Variants in CFAP58 observed in about 807,000 individuals in gnomAD.
CFAP58 encodes cilia- and flagella-associated protein 58.
In CFAP58, 88 loss-of-function variants were observed where a neutral mutation model predicts 119.5. That is an observed-to-expected ratio of 0.74 (90% confidence interval 0.62 to 0.88). CFAP58 has a LOEUF of 0.88. Among genes scored for constraint, CFAP58 ranks in the 40% least tolerant of loss-of-function variants. The probability of loss-of-function intolerance (pLI) is 0.00; values close to 1 mark genes in which losing one functional copy is unlikely to be tolerated. For missense variants in CFAP58, 990 were observed against 1,021.2 expected, an observed-to-expected ratio of 0.97 and a Z score of 0.42; for synonymous variants, 365 against 366.3, an observed-to-expected ratio of 1.00 and a Z score of 0.04.
At chr10:104,365,277 T>C (rs1398705659) in intron 4 of CFAP58, among the ~76,000 whole-genome samples, 2 of 152,140 alleles carry the variant, frequency 1.3e-5, no homozygotes, top group African/African-American at 4.8e-5. Flanking sequence ...CTGAACACTT[T>C]TACATAAAGC....
rs373702113 is a variant in CFAP58, at chr10:104,421,952, G to A, written c.2256+15159G>A. ...TATAATCCTAGCACTTCGGGAGGCC[G>A]AGGTGGGTGGATCACCTGAGGTCAG... On this transcript the variant is annotated intron_variant, in intron 15 of 17. Transcript: ENST00000369704. Among the ~76,000 whole-genome samples the A allele has an allele frequency of 1.6e-4, 25 of 152,302 alleles. 1 individual carries two copies. In the East Asian group the frequency reaches 2.9e-3, roughly 18 times the overall value.
At chr10:104,369,866 A>C (rs902480039) in intron 6 of CFAP58, among the ~76,000 whole-genome samples, 3 of 152,236 alleles carry the variant, frequency 2.0e-5, no homozygotes, top group South Asian at 4.1e-4. Context: ...TTCTAATGGC[A>C]AAATTTTAAA....
chr10:104,422,937 G>C (rs1006733223), intron 15 of CFAP58, among the ~76,000 whole-genome samples: 1 of 152,114 alleles, frequency 6.6e-6, no homozygotes, highest in Non-Finnish European at 1.5e-5. Flanking sequence ...GAGATACTTT[G>C]CATTTAATCA....
chr10:104,449,921 C>A, intron 16 of CFAP58, 150 bp from the exon 17 acceptor site: 1 of 728,710 alleles, frequency 1.4e-6, no homozygotes, highest in East Asian at 2.8e-5. Flanking sequence ...AGATGTGGAC[C>A]CTGAGCTGGT....
intron 15 of CFAP58, among the ~76,000 whole-genome samples, chr10:104,417,147 C>T (rs1014525866): frequency 3.9e-5 from 6 of 152,340 alleles, no homozygotes; most frequent in African/African-American, 7.2e-5. Flanking sequence ...TGGTTTCTTT[C>T]GTGGTAGATC....
At chr10:104,345,679 T>C in the CFAP58 span, among the ~76,000 whole-genome samples, 3 of 152,092 alleles carry the variant, frequency 2.0e-5, no homozygotes, top group Non-Finnish European at 2.9e-5. Flanking sequence ...TGCTCAGTCT[T>C]TCCAGCAGCA....
At chr10:104,349,261 C>CCAAAACAAAA (rs200006936), upstream of CFAP58, among the ~76,000 whole-genome samples, 8 of 151,982 alleles carry the variant, frequency 5.3e-5, no homozygotes, top group African/African-American at 1.9e-4. Flanking sequence ...CGCCTCCACA[C>CCAAAACAAAA]CAAAACAAAA....
In CFAP58 at chr10:104,357,991, A is replaced by C. The variant is rs554139745; in HGVS notation, c.10-350A>C. Among the ~76,000 whole-genome samples the C allele has an allele frequency of 3.5e-5, 5 of 142,568 alleles. 1 individual carries two copies. Among genetic ancestry groups the C allele is most frequent in the Non-Finnish European group, 7.6e-5 (5 of 65,494 alleles). 93.5% of individuals were successfully genotyped at this position (142,568 alleles called of 152,430 possible). ...TACACATATGTACATATGTACACATATATGTACACATATATACACATATAT... is the reference window on the plus strand; with the variant it reads ...TACACATATGTACATATGTACACATCTATGTACACATATATACACATATAT... On this transcript the variant is annotated intron_variant, in intron 1 of 17. Coordinates refer to ENST00000369704, the MANE Select transcript of CFAP58 (RefSeq NM_001008723.2).
At chr10:104,409,928 T>G (rs2012434359) in intron 15 of CFAP58, among the ~76,000 whole-genome samples, 1 of 152,192 alleles carries the variant, frequency 6.6e-6, no homozygotes, top group South Asian at 2.1e-4. Flanking sequence ...TTTTCCCTGA[T>G]TTTTTGTAAT....
chr10:104,449,704 T>C (rs1480989429), intron 16 of CFAP58, among the ~76,000 whole-genome samples: 1 of 152,208 alleles, frequency 6.6e-6, no homozygotes, highest in African/African-American at 2.4e-5. Context: ...TATTTTCTTT[T>C]TTTTTAAGGC....
intron 15 of CFAP58, among the ~76,000 whole-genome samples, chr10:104,414,459 G>C (rs897264555): frequency 2.0e-5 from 3 of 152,064 alleles, no homozygotes; most frequent in Admixed American, 1.3e-4. Context: ...GAATCAAAAG[G>C]GAAAGAGGGA....
At chr10:104,425,410 TTA>T (rs1015744356) in intron 15 of CFAP58, among the ~76,000 whole-genome samples, 1 of 152,090 alleles carries the variant, frequency 6.6e-6, no homozygotes, top group African/African-American at 2.4e-5. Context: ...GTGGGACCAA[TTA>T]TATGTCTTAG....
chr10:104,341,311 C>T, the CFAP58 span, among the ~76,000 whole-genome samples: 5 of 151,402 alleles, frequency 3.3e-5, no homozygotes, highest in Non-Finnish European at 5.9e-5. Flanking sequence ...AAATTAAAAA[C>T]CAGACTAGGA....
In CFAP58 at chr10:104,364,796, A is replaced by G. The variant is rs1460351052; in HGVS notation, c.504A>G (p.Glu168=). The G allele has an allele frequency of 1.2e-5, 20 of 1,612,872 alleles. No homozygotes were observed. Among genetic ancestry groups the G allele is most frequent in the Non-Finnish European group, 1.7e-5 (20 of 1,179,438 alleles). ...AGGAGAGAGACCAGCTCTTATCAGA[A>G]GTGGTAAAATTACGAGAATCCCTAG... ...VTKERDQLLS[E]VVKLRESLAQ... is the part of the protein sequence containing the mutation. The change falls in exon 4 of 18, where the codon GAA becomes GAG. Residue 168 remains glutamate, a synonymous_variant. Coordinates refer to ENST00000369704, the MANE Select transcript of CFAP58 (RefSeq NM_001008723.2).
intron 7 of CFAP58, among the ~76,000 whole-genome samples, chr10:104,373,830 G>A (rs1004472003): frequency 6.6e-6 from 1 of 152,114 alleles, no homozygotes; most frequent in African/African-American, 2.4e-5. Flanking sequence ...GTATTATAAA[G>A]CTTCAATAAT....
At chr10:104,340,369 C>T in the CFAP58 span, among the ~76,000 whole-genome samples, 2 of 152,302 alleles carry the variant, frequency 1.3e-5, no homozygotes, top group African/African-American at 4.8e-5. Flanking sequence ...CTGCCACAGC[C>T]ACCCCACCTC....
At position 104,400,843 on chromosome 10, in the gene CFAP58, A is replaced by G; in HGVS notation, c.1979A>G (p.Lys660Arg). Reference protein sequence around the residue: ...EDMRILRLEIKKLRREKGILA... With the variant: ...EDMRILRLEIRKLRREKGILA... ...ATGAGAATCCTCAGACTTGAGATCAAGAAGCTTCGCCGGGAAAAGGGGATT... is the reference window on the plus strand; with the variant it reads ...ATGAGAATCCTCAGACTTGAGATCAGGAAGCTTCGCCGGGAAAAGGGGATT... The change falls in exon 13 of 18, where the codon AAG becomes AGG. Residue 660 changes from lysine to arginine, a missense_variant. Physicochemically the swap from Lys to Arg is conservative, Grantham distance 26. Coordinates refer to ENST00000369704, the MANE Select transcript of CFAP58 (RefSeq NM_001008723.2). 6.2e-7 allele frequency: 1 copy of G among 1,614,216 alleles called. No individual in the cohort carries two copies.
chr10:104,379,264 C>G (rs1470171690), intron 8 of CFAP58, among the ~76,000 whole-genome samples: 4 of 152,154 alleles, frequency 2.6e-5, no homozygotes, highest in Non-Finnish European at 4.4e-5. Context: ...GGATCATACA[C>G]TATGTGAACT....
In CFAP58 at chr10:104,358,010, CAT is replaced by C. The variant is rs1490618663; in HGVS notation, c.10-326_10-325del. ...ACACATATATGTACACATATATACA[CAT>C]ATATGTACATATATATACATATGTA... is the stretch of plus-strand genomic sequence containing the variant. On this transcript the variant is annotated intron_variant, in intron 1 of 17. Coordinates refer to ENST00000369704, the MANE Select transcript of CFAP58 (RefSeq NM_001008723.2). 5.6e-4 allele frequency among the ~76,000 whole-genome samples: 71 copies of C among 127,780 alleles called. 2 individuals carry two copies. Among genetic ancestry groups the C allele is most frequent in the African/African-American group, 1.7e-3 (57 of 33,012 alleles). 83.8% of individuals were successfully genotyped at this position (127,780 alleles called of 152,430 possible).
Sources: allele counts gnomAD v4.1 joint callset (sites outside exome capture counted in the v4.1 genomes callset), GRCh38; gene constraint gnomAD v4.1.1; transcripts MANE v1.5; gene names NCBI Gene and HGNC (gene_info 2026-07-23, HGNC 2026-07-21).